Variants in NUP210L observed in about 807,000 individuals in gnomAD.
NUP210L encodes the protein nuclear pore membrane glycoprotein 210-like.
In NUP210L, 74 loss-of-function variants were observed where a neutral mutation model predicts 208.5. The ratio of observed to expected loss-of-function variants is 0.35; its 90% confidence interval spans 0.29 to 0.43. The LOEUF (loss-of-function observed/expected upper bound fraction) is 0.43, where lower values mean the gene tolerates loss of function less well. NUP210L is among the 20% of genes least tolerant of loss of function. The pLI is 1.00. For missense variants in NUP210L, 1,843 were observed against 2,289.4 expected (o/e 0.81, Z 3.98); for synonymous variants, 780 against 816.9 (o/e 0.95, Z 0.77).
At chr1:154,054,340 G>A in exon 25 of NUP210L, 1 of 1,614,152 alleles carries the variant, frequency 6.2e-7, no homozygotes, top group Non-Finnish European at 8.5e-7. Context: ...ATTAACAACA[G>A]CCACGGTCTG....
chr1:154,016,308 G>A (rs1035985913), intron 33 of NUP210L, among the ~76,000 whole-genome samples: 8 of 151,746 alleles, frequency 5.3e-5, no homozygotes, highest in East Asian at 3.9e-4. Flanking sequence ...TACACAAAAA[G>A]TTGTAGCTAC....
At chr1:154,058,105 C>T (rs1159146597) in exon 22 of NUP210L, 1 of 1,613,906 alleles carries the variant, frequency 6.2e-7, no homozygotes, top group Non-Finnish European at 8.5e-7. Flanking sequence ...GTGACAATGG[C>T]AGAAGCCAAC....
intron 10 of NUP210L, 41 bp from the exon 11 acceptor site, chr1:154,118,849 G>A: frequency 7.8e-7 from 1 of 1,288,262 alleles, no homozygotes; most frequent in Non-Finnish European, 1.1e-6. Flanking sequence ...TATTTATAAG[G>A]ACTATTCTTA....
chr1:154,091,088 T>C (rs920500340), intron 15 of NUP210L, among the ~76,000 whole-genome samples: 2 of 147,934 alleles, frequency 1.4e-5, no homozygotes, highest in South Asian at 4.2e-4. Context: ...TTATTATTAT[T>C]ATTATTATTA....
chr1:154,116,703 G>A (rs914031495), intron 12 of NUP210L, among the ~76,000 whole-genome samples: 1 of 151,918 alleles, frequency 6.6e-6, no homozygotes, highest in Non-Finnish European at 1.5e-5. Context: ...CCTCCAGTCT[G>A]GGCAACAGAG....
chr1:153,995,011 C>CA (rs376157395), intron 38 of NUP210L, 65 bp downstream of exon 38: 85,166 of 717,684 alleles, frequency 0.12, 5 homozygotes, highest in East Asian at 0.14. Flanking sequence ...AACTCCATCT[C>CA]AAAAAAAAAA....
intron 33 of NUP210L, among the ~76,000 whole-genome samples, chr1:154,014,561 C>T (rs962126692): frequency 3.3e-5 from 5 of 152,132 alleles, no homozygotes; most frequent in Non-Finnish European, 5.9e-5. Context: ...CTGATTTATT[C>T]ATTAGTCTTC....
intron 16 of NUP210L, among the ~76,000 whole-genome samples, chr1:154,080,923 G>A (rs1181614476): frequency 4.1e-5 from 6 of 147,624 alleles, no homozygotes; most frequent in Non-Finnish European, 8.9e-5. Flanking sequence ...GCAGTGAGTC[G>A]AGATAGTGCC....
At chr1:154,047,775 T>C (rs1192946613) in intron 25 of NUP210L, among the ~76,000 whole-genome samples, 1 of 152,090 alleles carries the variant, frequency 6.6e-6, no homozygotes, top group African/African-American at 2.4e-5. Context: ...CACTCCACAC[T>C]CTATATTTCT....
chr1:154,128,094 G>C (rs923619601), intron 8 of NUP210L, among the ~76,000 whole-genome samples: 1 of 151,064 alleles, frequency 6.6e-6, no homozygotes, highest in African/African-American at 2.4e-5. Context: ...GAACTCCTCA[G>C]CTCAAGGGAT....
At chr1:154,070,745 G>T (rs1186222405) in intron 16 of NUP210L, among the ~76,000 whole-genome samples, 3 of 151,726 alleles carry the variant, frequency 2.0e-5, no homozygotes, top group South Asian at 2.1e-4. Flanking sequence ...GTTGATGTAG[G>T]CATCATTGCA....
At chr1:154,105,970 C>T (rs768296045) in intron 12 of NUP210L, among the ~76,000 whole-genome samples, 2 of 152,144 alleles carry the variant, frequency 1.3e-5, no homozygotes, top group Non-Finnish European at 1.5e-5. Context: ...GAGTCAAGAA[C>T]GAGAAGGGGG....
At chr1:154,018,191 C>T (rs571477470) in intron 33 of NUP210L, among the ~76,000 whole-genome samples, 3 of 152,118 alleles carry the variant, frequency 2.0e-5, no homozygotes, top group Admixed American at 6.6e-5. Flanking sequence ...AGGCTGTTCT[C>T]GAACTCCTGA....
At chr1:154,128,397 A>G (rs1658091868) in intron 8 of NUP210L, among the ~76,000 whole-genome samples, 1 of 152,158 alleles carries the variant, frequency 6.6e-6, no homozygotes, top group Non-Finnish European at 1.5e-5. Context: ...AGGTGGAAGG[A>G]TCATTTGACC....
chr1:154,003,511 A>G (rs1430099862), intron 35 of NUP210L, among the ~76,000 whole-genome samples: 1 of 151,460 alleles, frequency 6.6e-6, no homozygotes, highest in Admixed American at 6.6e-5. Flanking sequence ...TGGACTATTT[A>G]TTATTTTTGT....
chr1:154,021,976 C>T (rs572716725), intron 32 of NUP210L, 150 bp downstream of exon 32: 7 of 648,666 alleles, frequency 1.1e-5, no homozygotes, highest in Non-Finnish European at 1.8e-5. Flanking sequence ...CTTAAGTGAC[C>T]TCTCCAGCTT....
intron 29 of NUP210L, 71 bp downstream of exon 29, chr1:154,027,435 T>C (rs1178100098): frequency 1.8e-6 from 2 of 1,104,212 alleles, no homozygotes; most frequent in Non-Finnish European, 1.3e-6. Context: ...AAGTGTTCTT[T>C]CTATGTCAAT....
chr1:154,045,878 G>A (rs140297827), intron 27 of NUP210L, among the ~76,000 whole-genome samples, 191 bp downstream of exon 27: 1,969 of 152,206 alleles, frequency 0.013, 51 homozygotes, highest in African/African-American at 0.045. Context: ...CCAGCTACTC[G>A]GGAGGCTGAG....
exon 7 of NUP210L, chr1:154,135,917 T>C (rs745637807): frequency 1.9e-6 from 3 of 1,607,046 alleles, no homozygotes; most frequent in Admixed American, 1.7e-5. Context: ...ACCCGTTAAG[T>C]GCAACTCTAT....
Sources: gnomAD v4.1 joint callset for allele counts (sites outside exome capture counted in the v4.1 genomes callset) on GRCh38, gnomAD v4.1.1 for gene constraint, MANE v1.5 for transcripts, NCBI Gene and HGNC (gene_info 2026-07-23, HGNC 2026-07-21) for gene names.